Variants in DLL3 observed in about 807,000 individuals in gnomAD.
The protein encoded by DLL3 is delta-like protein 3.
Under a neutral mutation model 55.0 loss-of-function variants are expected in DLL3, and 49 were observed. The ratio of observed to expected loss-of-function variants is 0.89; its 90% CI spans 0.71 to 1.13. DLL3 has a LOEUF of 1.13. DLL3 is among the 50% of genes most tolerant of loss of function. DLL3 has a pLI of 0.00. For synonymous variants in DLL3, 421 were observed against 385.2 expected (o/e 1.09, Z -1.09); for missense variants, 962 against 875.5 (o/e 1.10, Z -1.25).
At chr19:39,499,605 G>A in intron 2 of DLL3, 132 bp downstream of exon 2, 1 of 1,167,782 alleles carries the variant, frequency 8.6e-7, no homozygotes, top group Non-Finnish European at 1.2e-6. Flanking sequence ...TCCCAGACCA[G>A]TAACTCTACC....
At chr19:39,505,550 A>G (rs1323422500) in intron 6 of DLL3, 99 bp downstream of exon 6, 1 of 1,380,618 alleles carries the variant, frequency 7.2e-7, no homozygotes, top group South Asian at 1.3e-5. Context: ...TTCTAACCCT[A>G]GGGCCTGGGG....
intron 2 of DLL3, among the ~76,000 whole-genome samples, chr19:39,500,108 A>C (rs1222599421): frequency 6.6e-6 from 1 of 151,978 alleles, no homozygotes; most frequent in Non-Finnish European, 1.5e-5. Context: ...ACATCTCTTG[A>C]ATAAAGTGCT....
intron 2 of DLL3, among the ~76,000 whole-genome samples, chr19:39,500,088 C>G (rs1000528691): frequency 6.6e-6 from 1 of 151,900 alleles, no homozygotes; most frequent in Non-Finnish European, 1.5e-5. Flanking sequence ...CCCTTTTGAG[C>G]GATTCAACCA....
chr19:39,499,048 G>C lies in DLL3; in HGVS notation c.69+5G>C, dbSNP rs371528295. On this transcript the variant is annotated splice_donor_5th_base_variant and intron_variant, in intron 1 of 8. Transcript: ENST00000356433. ...GCGCTCATTTTCCTCCCCCAGGTCA[G>C]AGCCAGGTGGGAGGTGGCGTGGAAA... is the stretch of plus-strand genomic sequence containing the variant. 1 of 1,614,054 alleles carries C rather than the reference G, an allele frequency of 6.2e-7. No homozygotes were observed. The highest frequency in any genetic ancestry group is 8.5e-7 in the Non-Finnish European group (1 of 1,180,052).
chr19:39,503,213 A>T (rs1400842219), intron 4 of DLL3, among the ~76,000 whole-genome samples, 156 bp downstream of exon 4: 1 of 152,092 alleles, frequency 6.6e-6, no homozygotes, highest in Non-Finnish European at 1.5e-5. Flanking sequence ...CTCTTCAGGG[A>T]GCTGGGGAAC....
intron 2 of DLL3, among the ~76,000 whole-genome samples, 195 bp from the exon 3 acceptor site, chr19:39,500,420 T>TCCCCC (rs369324363): frequency 3.2e-5 from 3 of 93,676 alleles, no homozygotes; most frequent in Non-Finnish European, 4.3e-5. Context: ...AGTGAGATTC[T>TCCCCC]CCCCCCCCCC....
intron 3 of DLL3, 31 bp from the exon 4 acceptor site, chr19:39,502,784 C>G: frequency 7.2e-7 from 1 of 1,388,052 alleles, no homozygotes; most frequent in Non-Finnish European, 9.3e-7. Context: ...CCGGGCCCAC[C>G]CCAGCACCCC....
chr19:39,507,708 T>G, intron 7 of DLL3, 90 bp downstream of exon 7: 2 of 1,593,068 alleles, frequency 1.3e-6, no homozygotes, highest in South Asian at 2.2e-5. Flanking sequence ...CTTGATGCAT[T>G]TCCCTGGTCG....
In DLL3 at chr19:39,507,547, G is replaced by A; in HGVS notation, c.1602G>A (p.Glu534=). 6.2e-7 allele frequency: 1 copy of A among 1,606,868 alleles called. No individual in the cohort carries two copies. The highest frequency in any genetic ancestry group is 1.1e-5 in the South Asian group (1 of 89,912). ...CTCGCTTGCTGGCTGGGACCCCGGA[G>A]CCGTCAGTCCACGCACTCCCGGATG... is the stretch of plus-strand genomic sequence containing the variant. ...AGSRLLAGTP[E]PSVHALPDAL... is the part of the protein sequence containing the mutation. The change falls in exon 7 of 9, where the codon GAG becomes GAA. Residue 534 remains glutamate (E), a synonymous_variant. Transcript: ENST00000356433.
At position 39,505,218 on chromosome 19, in the gene DLL3, TC is replaced by T. The variant is rs755016225; in HGVS notation, c.871-8del. On this transcript the variant is annotated splice_polypyrimidine_tract_variant and intron_variant, in intron 5 of 8. Transcript: ENST00000356433. ...GAAACACCCTTCTCAAGTACTCTTG[TC>T]CCTGCCCAGGAGACACCCAGGTCCT... 4.3e-6 allele frequency: 7 copies of T among 1,613,512 alleles called. No individual in the cohort carries two copies. The Admixed American group carries it at 1.0e-4, about 23-fold the overall frequency.
At chr19:39,508,018 G>T in intron 8 of DLL3, 104 bp downstream of exon 8, 1 of 1,611,796 alleles carries the variant, frequency 6.2e-7, no homozygotes, top group South Asian at 1.1e-5. Context: ...AAATGAATTG[G>T]GTAGAGTCTC....
Position 39,503,065 on chromosome 19 carries a change from C to T in DLL3, c.652+8C>T, listed in dbSNP as rs1030526921. 2.0e-6 allele frequency: 3 copies of T among 1,522,648 alleles called. No homozygotes were observed. The highest frequency in any genetic ancestry group is 2.8e-5 in the African/African-American group (2 of 71,822). 94.3% of individuals were successfully genotyped at this position (1,522,648 alleles called of 1,614,324 possible). The stretch of plus-strand genomic sequence containing the variant: ...ACGAATGTGAGGCGCCGCGTGAGTC[C>T]TGCGTTCGACCCCACCCCGTCCCAG... On this transcript the variant is annotated splice_region_variant and intron_variant, in intron 4 of 8. Coordinates refer to ENST00000356433, the MANE Select transcript of DLL3 (RefSeq NM_203486.3).
chr19:39,507,567 C>G lies in DLL3; in HGVS notation c.1622C>G (p.Pro541Arg). ...GTPEPSVHAL[P>R]DALNNLRTQE... ...CCGGAGCCGTCAGTCCACGCACTCC[C>G]GGATGCACTCAACAACCTAAGGACG... is the stretch of plus-strand genomic sequence containing the variant. Residue 541 changes from proline to arginine, a missense_variant, in exon 7 of 9, where the codon CCG becomes CGG. By Grantham distance (103) the Pro-to-Arg change is moderately radical. Coordinates refer to ENST00000356433, the MANE Select transcript of DLL3 (RefSeq NM_203486.3). The G allele has an allele frequency of 6.2e-7, 1 of 1,608,824 alleles. No homozygotes were observed. Among genetic ancestry groups the G allele is most frequent in the Non-Finnish European group, 8.5e-7 (1 of 1,178,212 alleles).
In DLL3 at chr19:39,502,868, G is replaced by T. The variant is rs1226443841; in HGVS notation, c.463G>T (p.Gly155Ter). Residue 155 changes from glycine to a stop codon, truncating the protein, a stop_gained, in exon 4 of 9, where the codon GGA (glycine) becomes TGA (stop). Coordinates refer to ENST00000356433, the MANE Select transcript of DLL3 (RefSeq NM_203486.3). LOFTEE classifies it high-confidence loss of function. ...GGCTGGCAGGCGGCGCTTGGCAGCC[G>T]GAGGCCCGTGGGCCCGGGACATTCA... The part of the protein sequence containing the change: ...RVAGRRRLAA[G>*]GPWARDIQRA... The T allele has an allele frequency of 7.1e-7, 1 of 1,416,866 alleles. No homozygotes were observed. 87.8% of individuals were successfully genotyped at this position (1,416,866 alleles called of 1,614,324 possible).
chr19:39,504,195 C>A lies in DLL3; in HGVS notation c.777C>A (p.Ser259Arg). ...TVPVSTSSCL[S>R]PRGPSSATTG... ...CTGTCTCCACCAGCAGCTGCCTCAG[C>A]CCCAGGGGCCCGTCCTCTGCTACCA... Residue 259 changes from serine (S) to arginine (R), a missense_variant, in exon 5 of 9, where the codon AGC (serine) becomes AGA (arginine). Physicochemically the swap from Ser to Arg is moderately radical, Grantham distance 110 (BLOSUM62 -1). Coordinates refer to ENST00000356433, the MANE Select transcript of DLL3 (RefSeq NM_203486.3). 7 of 1,612,514 alleles carry A rather than the reference C, an allele frequency of 4.3e-6. No individual in the cohort carries two copies. The highest frequency in any genetic ancestry group is 5.9e-6 in the Non-Finnish European group (7 of 1,180,018).
In DLL3 at chr19:39,507,540, C is replaced by G. The variant is rs781534390; in HGVS notation, c.1595C>G (p.Thr532Ser). Residue 532 changes from threonine to serine, a missense_variant, in exon 7 of 9, where the codon ACC becomes AGC. Thr to Ser is a moderately conservative substitution (Grantham distance 58). Transcript: ENST00000356433. ...QDAGSRLLAGTPEPSVHALPD... is the reference protein window; with the variant it reads ...QDAGSRLLAGSPEPSVHALPD... ...GCTGGGTCTCGCTTGCTGGCTGGGA[C>G]CCCGGAGCCGTCAGTCCACGCACTC... is the stretch of plus-strand genomic sequence containing the variant. The G allele has an allele frequency of 6.2e-7, 1 of 1,606,008 alleles. No homozygotes were observed. The highest frequency in any genetic ancestry group is 1.7e-5 in the Admixed American group (1 of 59,108).
chr19:39,505,722 G>C (rs2079636833), intron 6 of DLL3: 1 of 467,510 alleles, frequency 2.1e-6, no homozygotes, highest in South Asian at 2.3e-5. Context: ...CTGCCTGATA[G>C]AGCTGAGGTG....
In DLL3 at chr19:39,499,455, C is replaced by A; in HGVS notation, c.333C>A (p.Pro111=). The A allele has an allele frequency of 6.3e-7, 1 of 1,590,924 alleles. No individual in the cohort carries two copies. ...LPLPDGLLQV[P]FRDAWPGTFS... ...TGCCCGACGGCCTCTTGCAGGTGCC[C>A]TTCCGGGACGCCTGGCCTGTAAGTG... Residue 111 remains proline (P), a synonymous_variant, in exon 2 of 9, where the codon CCC becomes CCA. Transcript: ENST00000356433.
At chr19:39,506,120 A>G (rs2079639020) in intron 6 of DLL3, among the ~76,000 whole-genome samples, 1 of 147,846 alleles carries the variant, frequency 6.8e-6, no homozygotes, top group South Asian at 2.2e-4. Flanking sequence ...GCTAAGGCGG[A>G]AGAATCACTT....
Sources: allele counts gnomAD v4.1 joint callset (sites outside exome capture counted in the v4.1 genomes callset), GRCh38; gene constraint gnomAD v4.1.1; transcripts MANE v1.5; gene names NCBI Gene and HGNC (gene_info 2026-07-23, HGNC 2026-07-21).